MYO15A: variants seen among roughly 807,000 people sequenced by gnomAD.
MYO15A encodes unconventional myosin-XV.
Under a neutral mutation model 394.6 loss-of-function variants are expected in MYO15A, and 308 were observed. That is an observed-to-expected ratio of 0.78 (90% CI 0.71 to 0.86). The LOEUF is 0.86. MYO15A is among the 40% of genes least tolerant of loss of function. MYO15A has a pLI of 0.00. For missense variants in MYO15A, 4,606 were observed against 4,799.1 expected, an observed-to-expected ratio of 0.96 and a Z score of 1.19; for synonymous variants, 1,957 against 2,003.8, an observed-to-expected ratio of 0.98 and a Z score of 0.62.
Position 18,158,522 on chromosome 17 carries a change from G to C in MYO15A, c.8968-1G>C, listed in dbSNP as rs746051220. 1 of 1,613,940 alleles carries C rather than the reference G, an allele frequency of 6.2e-7. No individual in the cohort carries two copies. Among genetic ancestry groups the C allele is most frequent in the Non-Finnish European group, 8.5e-7 (1 of 1,179,890 alleles). ...CCTTCCTAGCTCCGCCTCTTCTGCA[G>C]GGTCCCCCAGTCAGGGCCCGCTCTG... On this transcript the variant is annotated splice_acceptor_variant, in intron 51 of 65. Transcript: ENST00000647165. LOFTEE classifies it high-confidence loss of function.
Position 18,121,679 on chromosome 17 carries a change from C to G in MYO15A, c.2879C>G (p.Pro960Arg), listed in dbSNP as rs369279423. 3.5e-5 allele frequency: 56 copies of G among 1,607,406 alleles called. No homozygotes were observed. In the Middle Eastern group the frequency reaches 6.6e-4, roughly 19 times the overall value. ...GGCTTTTCCAGGCCACCCCCTGTGC[C>G]GGAAAACCCCTTTCTCCAGCTCCTG... ...RRGFSRPPPV[P>R]ENPFLQLLGP... Residue 960 changes from proline to arginine, a missense_variant, in exon 2 of 66, where the codon CCG becomes CGG. Around this residue, in one of 2 missense-constraint regions of MYO15A, gnomAD observed 1,830 missense variants for 1,689.7 expected, o/e 1.08. Transcript: ENST00000647165. The surrounding 1 kb of genome is among the most constrained non-coding windows in gnomAD (Gnocchi z 5.3).
Position 18,121,621 on chromosome 17 carries a change from T to TC in MYO15A, c.2826dup (p.Trp943LeufsTer37). On this transcript the variant is annotated frameshift_variant, in exon 2 of 66. Coordinates refer to ENST00000647165, the MANE Select transcript of MYO15A (RefSeq NM_016239.4). LOFTEE classifies it high-confidence loss of function. The surrounding 1 kb of genome is among the most constrained non-coding windows in gnomAD (Gnocchi z 5.3). The stretch of plus-strand genomic sequence containing the variant: ...CATGCCTCCCACCCAACGCCCACCC[T>TC]CCCCCTGGCCAGGAGGTGCAGGCAG... 1.1e-6 allele frequency: 1 copy of TC among 913,260 alleles called. No homozygotes were observed. 56.6% of individuals were successfully genotyped at this position (913,260 alleles called of 1,614,324 possible).
At position 18,159,290 on chromosome 17, in the gene MYO15A, T is replaced by C. The variant is rs1440995834; in HGVS notation, c.9172T>C (p.Ser3058Pro). 2.8e-5 allele frequency: 45 copies of C among 1,614,002 alleles called. No homozygotes were observed. The highest frequency in any genetic ancestry group is 3.3e-4 in the Middle Eastern group (2 of 6,084). The change falls in exon 54 of 66, where the codon TCC (serine) becomes CCC (proline). Residue 3058 changes from serine (S) to proline (P), a missense_variant. By Grantham distance (74) the Ser-to-Pro change is moderately conservative (BLOSUM62 -1). This residue lies in a region of MYO15A where 2,776 missense variants were observed against 3,109.3 expected (regional missense o/e 0.89). Transcript: ENST00000647165. ...TCCCCCACAGACTCCCCTCCAGGAA[T>C]CCCTCATCGAACTCAGCGACAGCAG... Reference protein sequence around the residue: ...LCFTKTPLQESLIELSDSSLS... With the variant: ...LCFTKTPLQEPLIELSDSSLS...
At position 18,149,970 on chromosome 17, in the gene MYO15A, AAG is replaced by A. The variant is rs1555545845; in HGVS notation, c.7212+392_7212+393del. The A allele has an allele frequency of 4.5e-5, 14 of 308,764 alleles. No homozygotes were observed. The East Asian group carries it at 5.2e-4, about 12-fold the overall frequency. 19.1% of individuals were successfully genotyped at this position (308,764 alleles called of 1,614,324 possible). On this transcript the variant is annotated intron_variant, in intron 35 of 65. Transcript: ENST00000647165. Reference sequence around the variant, plus strand: ...TGTCTCAAAAAAAAAAAAAAAAAAAAAGAAAGGGAAGAAGTGCACCTTTGGTG... The same window carrying A: ...TGTCTCAAAAAAAAAAAAAAAAAAAAAAAGGGAAGAAGTGCACCTTTGGTG...
In MYO15A at chr17:18,150,170, G is replaced by T. The variant is rs140433820; in HGVS notation, c.7213-259G>T. Among the ~76,000 whole-genome samples the T allele has an allele frequency of 7.4e-4, 112 of 152,160 alleles. No individual in the cohort carries two copies. The highest frequency in any genetic ancestry group is 3.4e-3 in the Middle Eastern group (1 of 294). ...TGCCCCTGGCATGATATGCAGCCCT[G>T]AGCAGGGCACAACCCCTCCTTGAGC... On this transcript the variant is annotated intron_variant, in intron 35 of 65. Transcript: ENST00000647165. This position sits in a 1 kb window ranked among gnomAD's most constrained non-coding sequence, Gnocchi z 4.4.
intron 60 of MYO15A, chr17:18,164,135 A>C: frequency 2.2e-6 from 1 of 456,104 alleles, no homozygotes; most frequent in East Asian, 4.4e-5. Flanking sequence ...AGGAGATTAC[A>C]TCCTGGAAAG....
At chr17:18,172,865 G>A in intron 64 of MYO15A, 1 of 176,522 alleles carries the variant, frequency 5.7e-6, no homozygotes, top group Non-Finnish European at 1.2e-5. Context: ...ACATTCTGAG[G>A]CACTGGGAGT....
intron 1 of MYO15A, among the ~76,000 whole-genome samples, chr17:18,113,271 C>G (rs945247566): frequency 6.6e-6 from 1 of 152,140 alleles, no homozygotes; most frequent in African/African-American, 2.4e-5. Context: ...CCCACTTCAG[C>G]CTCCTGAGTA....
chr17:18,165,827 T>C (rs2046845678), intron 60 of MYO15A, among the ~76,000 whole-genome samples: 1 of 152,204 alleles, frequency 6.6e-6, no homozygotes, highest in East Asian at 1.9e-4. Context: ...AAAATGTCAG[T>C]GCAAGAGAGA....
rs1191366914 is a variant in MYO15A, at chr17:18,133,253, G to A, written c.4349G>A (p.Ser1450Asn). 4.3e-6 allele frequency: 7 copies of A among 1,614,184 alleles called. No individual in the cohort carries two copies. The highest frequency in any genetic ancestry group is 5.9e-6 in the Non-Finnish European group (7 of 1,180,024). ...QGGNCEIAGK[S>N]DADDFRRLLA... is the part of the protein sequence containing the mutation. ...GGGAACTGTGAGATAGCAGGAAAGAGCGATGCAGATGACTTTCGCCGGCTC... is the reference window on the plus strand; with the variant it reads ...GGGAACTGTGAGATAGCAGGAAAGAACGATGCAGATGACTTTCGCCGGCTC... The change falls in exon 12 of 66, where the codon AGC (serine) becomes AAC (asparagine). Residue 1450 changes from serine to asparagine, a missense_variant. Physicochemically the swap from Ser to Asn is conservative, Grantham distance 46. Transcript: ENST00000647165.
At chr17:18,128,656 G>A (rs557371539) in intron 7 of MYO15A, among the ~76,000 whole-genome samples, 3 of 152,312 alleles carry the variant, frequency 2.0e-5, no homozygotes, top group South Asian at 4.1e-4. Flanking sequence ...AGTGTACCTC[G>A]TGCACCTCCT....
Position 18,149,354 on chromosome 17 carries a change from A to C in MYO15A, c.7095A>C (p.Gln2365His). 6.2e-7 allele frequency: 1 copy of C among 1,608,692 alleles called. No homozygotes were observed. Residue 2365 changes from glutamine (Q) to histidine (H), a missense_variant, in exon 34 of 66, where the codon CAA (glutamine) becomes CAC (histidine). By Grantham distance (24) the Gln-to-His change is conservative. Around this residue, in one of 2 missense-constraint regions of MYO15A, gnomAD observed 2,776 missense variants for 3,109.3 expected, o/e 0.89. Coordinates refer to ENST00000647165, the MANE Select transcript of MYO15A (RefSeq NM_016239.4). The stretch of plus-strand genomic sequence containing the variant: ...GTACAAATGGGGAGACTGAGGCCCA[A>C]AGAGGGACAGCAACCCACCAAGGTC... ...QDGTNGETEAQRGTATHQESD... is the reference protein window; with the variant it reads ...QDGTNGETEAHRGTATHQESD...
intron 38 of MYO15A, 75 bp from the exon 39 acceptor site, chr17:18,151,035 T>C: frequency 6.2e-7 from 1 of 1,609,424 alleles, no homozygotes. Flanking sequence ...AACCCATCTC[T>C]GACAGAGATC....
chr17:18,124,900 G>T, intron 3 of MYO15A: 1 of 591,620 alleles, frequency 1.7e-6, no homozygotes, highest in Non-Finnish European at 3.0e-6. Flanking sequence ...GTGTTGGTCA[G>T]CATCATTATC....
chr17:18,154,152 T>TACAGCCATCCTGTGCAGCTTG lies in MYO15A; in HGVS notation c.8113_8133dup (p.Ser2705_Asp2711dup), dbSNP rs770507710. 6.2e-7 allele frequency: 1 copy of TACAGCCATCCTGTGCAGCTTG among 1,614,076 alleles called. No individual in the cohort carries two copies. Among genetic ancestry groups the TACAGCCATCCTGTGCAGCTTG allele is most frequent in the South Asian group, 1.1e-5 (1 of 91,086 alleles). ...GCAGGTGTTTTACCCCAAGGACAGC[T>TACAGCCATCCTGTGCAGCTTG]ACAGCCATCCTGTGCAGCTTGACCT... On this transcript the variant is annotated inframe_insertion, in exon 44 of 66. Coordinates refer to ENST00000647165, the MANE Select transcript of MYO15A (RefSeq NM_016239.4).
chr17:18,171,523 T>G, intron 62 of MYO15A, 115 bp from the exon 63 acceptor site: 2 of 1,481,366 alleles, frequency 1.4e-6, no homozygotes, highest in East Asian at 2.3e-5. Flanking sequence ...TCCCTAGCAT[T>G]TAGTCTTCCA....
intron 23 of MYO15A, 130 bp from the exon 24 acceptor site, chr17:18,141,949 C>A (rs746104138): frequency 3.3e-5 from 42 of 1,283,848 alleles, no homozygotes; most frequent in Non-Finnish European, 4.1e-5. Flanking sequence ...TCCAAGTCCA[C>A]CCCATCCCTC....
At chr17:18,159,821 G>C (rs762881596) in intron 55 of MYO15A, 114 bp from the exon 56 acceptor site, 2 of 1,446,324 alleles carry the variant, frequency 1.4e-6, no homozygotes, top group Admixed American at 3.8e-5. Context: ...TGGGGAGGGG[G>C]CTGGGAAAGG....
chr17:18,157,542 T>G, intron 50 of MYO15A, 180 bp from the exon 51 acceptor site: 4 of 1,305,626 alleles, frequency 3.1e-6, no homozygotes, highest in Non-Finnish European at 3.1e-6. Context: ...CCTGTGGCCC[T>G]GAGAAAATCC....
Sources: allele counts gnomAD v4.1 joint callset (sites outside exome capture counted in the v4.1 genomes callset), GRCh38; gene constraint gnomAD v4.1.1; regional missense constraint gnomAD v4.1.1; non-coding constraint Gnocchi (gnomAD v3.1); transcripts MANE v1.5; gene names NCBI Gene and HGNC (gene_info 2026-07-23, HGNC 2026-07-21).